The following TNFSF4 variants were observed in gnomAD, a reference collection of about 807,000 sequenced individuals.
TNFSF4 encodes TNF superfamily member 4, also known as tumor necrosis factor ligand superfamily member 4.
TNFSF4 carries 4 observed loss-of-function variants against 7.3 expected under a neutral mutation model. That is an observed-to-expected ratio of 0.55 (90% CI 0.27 to 1.25). TNFSF4 has a LOEUF of 1.25. TNFSF4 is among the 50% of genes most tolerant of loss of function. TNFSF4 has a pLI of 0.12. For synonymous variants in TNFSF4, 76 were observed against 83.7 expected (o/e 0.91, Z 0.50); for missense variants, 181 against 208.8 (o/e 0.87, Z 0.82).
chr1:173,271,219 C>G, the TNFSF4 span, among the ~76,000 whole-genome samples: 3 of 152,196 alleles, frequency 2.0e-5, no homozygotes, highest in African/African-American at 7.2e-5. Flanking sequence ...GTCATTCTTG[C>G]CCATGCCTAT....
the TNFSF4 span, among the ~76,000 whole-genome samples, chr1:173,381,339 C>T: frequency 3.3e-5 from 5 of 152,150 alleles, no homozygotes; most frequent in African/African-American, 1.2e-4. Context: ...AGATGCCACC[C>T]GACATTTACA....
the TNFSF4 span, among the ~76,000 whole-genome samples, chr1:173,449,397 A>C: frequency 6.7e-6 from 1 of 148,406 alleles, no homozygotes. Flanking sequence ...TCTATTACCC[A>C]GGCTGGAGTG....
chr1:173,273,446 C>A, the TNFSF4 span, among the ~76,000 whole-genome samples: 1 of 151,994 alleles, frequency 6.6e-6, no homozygotes, highest in Non-Finnish European at 1.5e-5. Flanking sequence ...AAATAGTTTT[C>A]TTTATATTCT....
At chr1:173,370,259 A>G in the TNFSF4 span, among the ~76,000 whole-genome samples, 2 of 152,150 alleles carry the variant, frequency 1.3e-5, no homozygotes, top group Non-Finnish European at 2.9e-5. Flanking sequence ...CTTTAATGAA[A>G]AGAATGCGGC....
the TNFSF4 span, among the ~76,000 whole-genome samples, chr1:173,405,429 G>T: frequency 6.6e-6 from 1 of 152,146 alleles, no homozygotes; most frequent in Non-Finnish European, 1.5e-5. Flanking sequence ...ACATAAACAG[G>T]CAGCAGGCTG....
the TNFSF4 span, among the ~76,000 whole-genome samples, chr1:173,229,707 A>G: frequency 6.6e-6 from 1 of 152,166 alleles, no homozygotes; most frequent in Non-Finnish European, 1.5e-5. Context: ...GCAGAGACAC[A>G]CATAGGTTCA....
chr1:173,379,646 G>A, the TNFSF4 span, among the ~76,000 whole-genome samples: 1 of 152,164 alleles, frequency 6.6e-6, no homozygotes, highest in Non-Finnish European at 1.5e-5. Context: ...TCAGTGTTCT[G>A]TAATAGGGAC....
At chr1:173,428,848 T>C in the TNFSF4 span, among the ~76,000 whole-genome samples, 3 of 152,036 alleles carry the variant, frequency 2.0e-5, no homozygotes, top group East Asian at 5.8e-4. Context: ...CTACTAAAAA[T>C]ACAAAACTTG....
the TNFSF4 span, among the ~76,000 whole-genome samples, chr1:173,395,030 A>T: frequency 6.6e-5 from 6 of 90,974 alleles, no homozygotes; most frequent in Non-Finnish European, 1.4e-4. Context: ...ATAGATAGAT[A>T]GATAGATGAT....
chr1:173,194,561 G>A (rs193016502), intron 1 of TNFSF4, among the ~76,000 whole-genome samples: 1 of 152,170 alleles, frequency 6.6e-6, no homozygotes, highest in Non-Finnish European at 1.5e-5. Flanking sequence ...TGGAAGAAAA[G>A]TCTAGAAATG....
chr1:173,290,001 G>A, the TNFSF4 span, among the ~76,000 whole-genome samples: 2 of 151,374 alleles, frequency 1.3e-5, no homozygotes, highest in Admixed American at 6.6e-5. Context: ...AAGGTATTGT[G>A]AAAATTACAA....
At chr1:173,239,513 T>C in the TNFSF4 span, among the ~76,000 whole-genome samples, 1 of 152,198 alleles carries the variant, frequency 6.6e-6, no homozygotes, top group African/African-American at 2.4e-5. Flanking sequence ...TCTGTCACTT[T>C]TTTCCCCCTA....
the TNFSF4 span, among the ~76,000 whole-genome samples, chr1:173,225,654 G>C: frequency 6.6e-6 from 1 of 152,158 alleles, no homozygotes; most frequent in Non-Finnish European, 1.5e-5. Context: ...GCAAATGCTA[G>C]GTTAGACAGA....
chr1:173,179,012 C>A (rs1353876961), downstream of TNFSF4, among the ~76,000 whole-genome samples: 1 of 152,112 alleles, frequency 6.6e-6, no homozygotes, highest in Non-Finnish European at 1.5e-5. Flanking sequence ...CTGGAACTAG[C>A]AAGGAGATGA....
chr1:173,396,662 G>A, the TNFSF4 span, among the ~76,000 whole-genome samples: 2 of 152,182 alleles, frequency 1.3e-5, no homozygotes, highest in Non-Finnish European at 2.9e-5. Context: ...TGACTGATCA[G>A]CTGAAACATG....
chr1:173,333,516 G>A, the TNFSF4 span, among the ~76,000 whole-genome samples: 1 of 152,042 alleles, frequency 6.6e-6, no homozygotes, highest in Admixed American at 6.6e-5. Flanking sequence ...CCTTTGAGAG[G>A]TTATTAAATG....
chr1:173,216,441 T>C, the TNFSF4 span, among the ~76,000 whole-genome samples: 1 of 152,042 alleles, frequency 6.6e-6, no homozygotes, highest in East Asian at 1.9e-4. Context: ...CCAAAGGTAA[T>C]GAACATAGGC....
At chr1:173,181,606 A>G (rs1275071274), downstream of TNFSF4, among the ~76,000 whole-genome samples, 1 of 152,084 alleles carries the variant, frequency 6.6e-6, no homozygotes, top group Non-Finnish European at 1.5e-5. Flanking sequence ...ATGGTAGGAT[A>G]CTCTGAGCGC....
chr1:173,386,890 T>G, the TNFSF4 span, among the ~76,000 whole-genome samples: 1 of 152,254 alleles, frequency 6.6e-6, no homozygotes, highest in Non-Finnish European at 1.5e-5. Flanking sequence ...ATTTGGGACC[T>G]ATTACTCCTC....
Sources: gnomAD v4.1 joint callset for allele counts (sites outside exome capture counted in the v4.1 genomes callset) on GRCh38, gnomAD v4.1.1 for gene constraint, MANE v1.5 for transcripts, NCBI Gene and HGNC (gene_info 2026-07-23, HGNC 2026-07-21) for gene names.